The following PPP2R5E variants were observed in gnomAD, a reference collection of about 807,000 sequenced individuals.
PPP2R5E encodes the protein protein phosphatase 2 regulatory subunit B'epsilon.
PPP2R5E carries 4 observed loss-of-function variants against 65.3 expected under a neutral mutation model. The ratio of observed to expected loss-of-function variants is 0.06; its 90% confidence interval spans 0.03 to 0.14. PPP2R5E has a LOEUF of 0.14. PPP2R5E is among the 10% of genes least tolerant of loss of function. The pLI is 1.00. For synonymous variants in PPP2R5E, 183 were observed against 187.4 expected, an observed-to-expected ratio of 0.98 and a Z score of 0.19; for missense variants, 274 against 556.1, an observed-to-expected ratio of 0.49 and a Z score of 5.10.
intron 3 of PPP2R5E, among the ~76,000 whole-genome samples, chr14:63,448,080 A>T (rs1163222577): frequency 6.6e-6 from 1 of 151,412 alleles, no homozygotes; most frequent in African/African-American, 2.4e-5. Flanking sequence ...GGTGGATCAC[A>T]AGGTCAGGAG....
intron 4 of PPP2R5E, among the ~76,000 whole-genome samples, chr14:63,417,870 A>G (rs1886786728): frequency 6.6e-6 from 1 of 152,182 alleles, no homozygotes; most frequent in Admixed American, 6.5e-5. Context: ...AATCATATAT[A>G]CAGCACTGTT....
chr14:63,468,459 G>A (rs889279797), intron 2 of PPP2R5E, among the ~76,000 whole-genome samples: 8 of 152,212 alleles, frequency 5.3e-5, no homozygotes, highest in African/African-American at 1.7e-4. Flanking sequence ...TAGGTGAGAT[G>A]AGTCAGCTAT....
Position 63,434,200 on chromosome 14 carries a change from AT to A in PPP2R5E, c.355-12107del, listed in dbSNP as rs1241811419. On this transcript the variant is annotated intron_variant, in intron 3 of 13. Transcript: ENST00000337537. ...AATTTAATTTGCTTATGCAAAAAAA[AT>A]CAGTCTCTTTTTAGTGGGGAAGAGT... Among the ~76,000 whole-genome samples the A allele has an allele frequency of 3.3e-5, 5 of 152,304 alleles. No individual in the cohort carries two copies. In the East Asian group the frequency reaches 9.6e-4, roughly 29 times the overall value.
At chr14:63,466,234 A>G (rs1189681484) in intron 2 of PPP2R5E, among the ~76,000 whole-genome samples, 1 of 151,472 alleles carries the variant, frequency 6.6e-6, no homozygotes. Flanking sequence ...AGTTGATCAA[A>G]GACATCATGA....
intron 8 of PPP2R5E, among the ~76,000 whole-genome samples, chr14:63,393,228 T>C (rs1031597806): frequency 6.6e-6 from 1 of 152,200 alleles, no homozygotes; most frequent in Admixed American, 6.5e-5. Flanking sequence ...TTATATGTAA[T>C]AGGTTCAGTA....
rs963037622 is a variant in PPP2R5E at position 63,464,663 on chromosome 14, G to A, written c.158-10778C>T. On this transcript the variant is annotated intron_variant, in intron 2 of 13. Coordinates refer to ENST00000337537, the MANE Select transcript of PPP2R5E (RefSeq NM_006246.5). Reference sequence around the variant, plus strand: ...TCTGAATTAGAATCACACTTTTACTGTTTACTGACAATGGACAAGCCACTT... The same window carrying A: ...TCTGAATTAGAATCACACTTTTACTATTTACTGACAATGGACAAGCCACTT... Among the ~76,000 whole-genome samples, 4 of 152,188 alleles carry A rather than the reference G, an allele frequency of 2.6e-5. No homozygotes were observed. In the East Asian group the frequency reaches 5.8e-4, roughly 22 times the overall value.
intron 2 of PPP2R5E, among the ~76,000 whole-genome samples, chr14:63,475,541 A>G (rs919311353): frequency 2.6e-5 from 4 of 152,278 alleles, no homozygotes; most frequent in African/African-American, 9.6e-5. Context: ...ATGGATATCC[A>G]GATGTTCAAT....
intron 3 of PPP2R5E, among the ~76,000 whole-genome samples, chr14:63,424,978 TC>T (rs1477428948): frequency 6.6e-6 from 1 of 152,134 alleles, no homozygotes; most frequent in African/African-American, 2.4e-5. Context: ...GACTTGGTGG[TC>T]CTATGAAGTG....
At chr14:63,501,194 T>A (rs181518378) in intron 2 of PPP2R5E, among the ~76,000 whole-genome samples, 92 of 152,096 alleles carry the variant, frequency 6.0e-4, no homozygotes, top group African/African-American at 2.0e-3. Context: ...GGTCAGGAGA[T>A]CGAGACTATC....
At chr14:63,451,185 C>T (rs981846959) in intron 3 of PPP2R5E, 1 of 152,060 alleles carries the variant, frequency 6.6e-6, no homozygotes, top group African/African-American at 2.4e-5. Context: ...TCTTACCATA[C>T]AATACATACA....
intron 5 of PPP2R5E, among the ~76,000 whole-genome samples, chr14:63,399,397 T>C (rs1594830568): frequency 8.1e-6 from 1 of 123,318 alleles, no homozygotes; most frequent in East Asian, 3.1e-4. Flanking sequence ...TTTTTTTTTT[T>C]TGAGACAGAG....
At chr14:63,500,891 C>A (rs1487275610) in intron 2 of PPP2R5E, among the ~76,000 whole-genome samples, 5 of 151,800 alleles carry the variant, frequency 3.3e-5, no homozygotes, top group Non-Finnish European at 7.4e-5. Context: ...AAAAGAAAAA[C>A]TATGACATCC....
chr14:63,539,584 T>C lies in PPP2R5E; in HGVS notation c.102A>G (p.Ser34=), dbSNP rs963227313. The change falls in exon 2 of 14, where the codon TCA becomes TCG. Residue 34 remains serine (S), a synonymous_variant. Transcript: ENST00000337537. ...KARQKRSQSS[S]QFRSQGKPIE... ...TAGGCTTGCCTTGAGACCTAAACTGTGAGGAACTTTGCGACCTCTTCTGTC... is the reference window on the plus strand; with the variant it reads ...TAGGCTTGCCTTGAGACCTAAACTGCGAGGAACTTTGCGACCTCTTCTGTC... 2 of 1,613,994 alleles carry C rather than the reference T, an allele frequency of 1.2e-6. No individual in the cohort carries two copies. Among genetic ancestry groups the C allele is most frequent in the African/African-American group, 1.3e-5 (1 of 74,926 alleles).
At chr14:63,522,709 G>C (rs545534351) in intron 2 of PPP2R5E, among the ~76,000 whole-genome samples, 1 of 147,562 alleles carries the variant, frequency 6.8e-6, no homozygotes, top group Non-Finnish European at 1.5e-5. Context: ...GTCTCTGCCC[G>C]GCCGCCCCGT....
chr14:63,499,312 A>G (rs1197073729), intron 2 of PPP2R5E, among the ~76,000 whole-genome samples: 1 of 152,258 alleles, frequency 6.6e-6, no homozygotes, highest in East Asian at 1.9e-4. Context: ...ATCATAAAAT[A>G]GCCACCTCAC....
At chr14:63,535,781 A>C (rs1229100733) in intron 2 of PPP2R5E, among the ~76,000 whole-genome samples, 1 of 152,154 alleles carries the variant, frequency 6.6e-6, no homozygotes, top group East Asian at 1.9e-4. Context: ...AATTAACCCA[A>C]TTTAGTCAAA....
chr14:63,505,108 G>A (rs1892094631), intron 2 of PPP2R5E, among the ~76,000 whole-genome samples: 2 of 152,202 alleles, frequency 1.3e-5, no homozygotes, highest in African/African-American at 4.8e-5. Flanking sequence ...GCCGAGACAG[G>A]CGGATCATTT....
chr14:63,415,253 T>C, intron 4 of PPP2R5E, 21 bp from the exon 5 acceptor site: 7 of 1,537,370 alleles, frequency 4.6e-6, no homozygotes, highest in Non-Finnish European at 6.3e-6. Flanking sequence ...CAGATTATAA[T>C]TAATTTCAAA....
intron 2 of PPP2R5E, among the ~76,000 whole-genome samples, chr14:63,460,417 G>A (rs973140856): frequency 1.3e-5 from 2 of 152,162 alleles, no homozygotes; most frequent in Non-Finnish European, 2.9e-5. Flanking sequence ...TAATGGTGAT[G>A]ATCATGCTAA....
Sources: gnomAD v4.1 joint callset for allele counts (sites outside exome capture counted in the v4.1 genomes callset) on GRCh38, gnomAD v4.1.1 for gene constraint, MANE v1.5 for transcripts, NCBI Gene and HGNC (gene_info 2026-07-23, HGNC 2026-07-21) for gene names.